Variants in GAL3ST1 observed in about 807,000 individuals in gnomAD.
The protein encoded by GAL3ST1 is galactose-3-O-sulfotransferase 1, also known as galactosylceramide sulfotransferase.
Under a neutral mutation model 25.0 loss-of-function variants are expected in GAL3ST1, and 13 were observed. The observed-to-expected ratio is 0.52, with a 90% CI of 0.34 to 0.83. The LOEUF (loss-of-function observed/expected upper bound fraction) is 0.83, where lower values mean the gene tolerates loss of function less well. Among genes scored for constraint, GAL3ST1 ranks in the 40% least tolerant of loss-of-function variants. GAL3ST1 has a pLI of 0.02. For synonymous variants in GAL3ST1, 274 were observed against 277.8 expected (o/e 0.99, Z 0.14); for missense variants, 474 against 613.6 (o/e 0.77, Z 2.40).
At chr22:30,572,011 C>T (rs958579174) in intron 1 of GAL3ST1, among the ~76,000 whole-genome samples, 3 of 152,208 alleles carry the variant, frequency 2.0e-5, no homozygotes, top group African/African-American at 7.2e-5. Flanking sequence ...AGCAAGGCCA[C>T]AGCTCTTCCT....
chr22:30,561,361 G>A (rs2086399296), intron 1 of GAL3ST1, among the ~76,000 whole-genome samples: 2 of 152,150 alleles, frequency 1.3e-5, no homozygotes, highest in East Asian at 1.9e-4. Flanking sequence ...TAGGAGCCAG[G>A]CCCAAAGCAG....
At chr22:30,558,228 A>C (rs968138451) in intron 2 of GAL3ST1, 51 bp downstream of exon 2, 1 of 151,872 alleles carries the variant, frequency 6.6e-6, no homozygotes, top group Non-Finnish European at 1.5e-5. Context: ...GTGAGAACCT[A>C]TCTCTACAAA....
intron 1 of GAL3ST1, among the ~76,000 whole-genome samples, chr22:30,569,169 C>T (rs1263809782): frequency 6.6e-6 from 1 of 151,730 alleles, no homozygotes; most frequent in Non-Finnish European, 1.5e-5. Context: ...AGGGACAGAC[C>T]CACAGGAGGG....
At chr22:30,556,320 T>C (rs756087680) in intron 3 of GAL3ST1, among the ~76,000 whole-genome samples, 1 of 152,138 alleles carries the variant, frequency 6.6e-6, no homozygotes, top group Admixed American at 6.5e-5. Flanking sequence ...ATTCACGGTG[T>C]TGTGAGATGA....
rs1426858247 is a variant in GAL3ST1, at chr22:30,574,607, GCCGCGCCGCGCCCGCTC to G, written c.-278_-262del. ...CCATGCCCCCGCCCCCGCCGCCGCT[GCCGCGCCGCGCCCGCTC>G]CCGCGCCGCGCCCGCTCCCGGCCAG... On this transcript the variant is annotated 5_prime_UTR_variant, in exon 1 of 4. Transcript: ENST00000406361. The G allele has an allele frequency of 1.7e-3, 231 of 139,906 alleles. No homozygotes were observed. The highest frequency in any genetic ancestry group is 4.2e-3 in the African/African-American group (162 of 38,444). The allele number at this position is 139,906 out of a possible 1,614,324, so 8.7% of individuals were successfully genotyped here. A position where few individuals can be genotyped will look rare whatever the true frequency, so the allele number is the denominator to read the frequency against.
rs577921635 is a variant in GAL3ST1, at chr22:30,555,255, G to T, written c.970C>A (p.Arg324=). The change falls in exon 4 of 4, where the codon CGG becomes AGG. Residue 324 remains arginine, a synonymous_variant. Transcript: ENST00000406361. This position sits in a 1 kb window ranked among gnomAD's most constrained non-coding sequence, Gnocchi z 8.6. ...SFWRKVEAFG[R]ERMAREVAAL... ...GCCACCTCGCGGGCCATGCGCTCCC[G>T]CCCGAAGGCCTCCACCTTGCGCCAG... The T allele has an allele frequency of 1.9e-6, 3 of 1,599,632 alleles. No homozygotes were observed. In the South Asian group the frequency reaches 3.3e-5, roughly 18 times the overall value.
intron 1 of GAL3ST1, among the ~76,000 whole-genome samples, chr22:30,565,861 T>C (rs551144649): frequency 6.6e-6 from 1 of 152,174 alleles, no homozygotes; most frequent in Admixed American, 6.6e-5. Context: ...GCCTCCTCCA[T>C]CCTCCCTTCA....
intron 1 of GAL3ST1, among the ~76,000 whole-genome samples, chr22:30,565,660 A>G (rs150834712): frequency 6.6e-6 from 1 of 152,252 alleles, no homozygotes; most frequent in African/African-American, 2.4e-5. Context: ...CAGACACTCG[A>G]CCAGCTCTGC....
intron 1 of GAL3ST1, among the ~76,000 whole-genome samples, chr22:30,559,559 ATTTAT>A (rs1158676988): frequency 6.6e-6 from 1 of 151,846 alleles, no homozygotes; most frequent in Non-Finnish European, 1.5e-5. Context: ...CATTTTTAAT[ATTTAT>A]TTTATATTAT....
intron 3 of GAL3ST1, 28 bp from the exon 4 acceptor site, chr22:30,556,121 C>G (rs746924697): frequency 4.4e-6 from 7 of 1,573,850 alleles, no homozygotes; most frequent in Non-Finnish European, 5.2e-6. Context: ...GTGGGGAGAG[C>G]CTCAGGGGGG....
intron 1 of GAL3ST1, among the ~76,000 whole-genome samples, chr22:30,566,904 C>T (rs550668828): frequency 6.6e-5 from 10 of 152,256 alleles, no homozygotes; most frequent in Admixed American, 5.2e-4. Context: ...CCACCACGCC[C>T]AGCCGATGAC....
intron 1 of GAL3ST1, among the ~76,000 whole-genome samples, chr22:30,574,199 T>A (rs2086845141): frequency 6.6e-6 from 1 of 151,970 alleles, no homozygotes; most frequent in South Asian, 2.1e-4. Flanking sequence ...CTTCAGGGAC[T>A]GGGAAGCCCT....
intron 1 of GAL3ST1, among the ~76,000 whole-genome samples, chr22:30,568,905 G>A (rs927863223): frequency 3.9e-5 from 6 of 152,042 alleles, no homozygotes; most frequent in Admixed American, 6.6e-5. Context: ...GTGAAACCCC[G>A]TCTGTACTAA....
In GAL3ST1 at chr22:30,554,885, C is replaced by T. The variant is rs2085892792; in HGVS notation, c.*68G>A. ...AGGAGGGGGCTGGGGGCGGCCAGCACCAGCGGCGTCCTGCTCAGCCCCTCT... is the reference window on the plus strand; with the variant it reads ...AGGAGGGGGCTGGGGGCGGCCAGCATCAGCGGCGTCCTGCTCAGCCCCTCT... On this transcript the variant is annotated 3_prime_UTR_variant, in exon 4 of 4. Coordinates refer to ENST00000406361, the MANE Select transcript of GAL3ST1 (RefSeq NM_001318104.2). 7.8e-7 allele frequency: 1 copy of T among 1,287,814 alleles called. No homozygotes were observed. The highest frequency in any genetic ancestry group is 1.1e-6 in the Non-Finnish European group (1 of 951,938). 79.8% of individuals were successfully genotyped at this position (1,287,814 alleles called of 1,614,324 possible).
chr22:30,572,632 G>A (rs1024076465), intron 1 of GAL3ST1: 1 of 152,306 alleles, frequency 6.6e-6, no homozygotes, highest in African/African-American at 2.4e-5. Context: ...AGAACTAGCA[G>A]GAGGGAAGGC....
At chr22:30,567,000 AGGCTGGAGTGTAGT>A (rs1213068477) in intron 1 of GAL3ST1, among the ~76,000 whole-genome samples, 4 of 152,034 alleles carry the variant, frequency 2.6e-5, no homozygotes, top group Non-Finnish European at 4.4e-5. Flanking sequence ...TCTGTTGCCC[AGGCTGGAGTGTAGT>A]GGCAAGATCT....
At chr22:30,568,445 G>A (rs2086687882) in intron 1 of GAL3ST1, among the ~76,000 whole-genome samples, 1 of 152,214 alleles carries the variant, frequency 6.6e-6, no homozygotes, top group African/African-American at 2.4e-5. Flanking sequence ...TTTACTGGAT[G>A]AACGGGGTGG....
At chr22:30,567,477 C>T (rs1444522706) in intron 1 of GAL3ST1, among the ~76,000 whole-genome samples, 2 of 151,930 alleles carry the variant, frequency 1.3e-5, no homozygotes, top group East Asian at 1.9e-4. Context: ...TGGGGTCTTG[C>T]TATGTTGTCC....
chr22:30,555,781 C>A lies in GAL3ST1; in HGVS notation c.444G>T (p.Glu148Asp), dbSNP rs769094588. ...CGTTGGTCGGCACCAGGCCGCGCAC[C>A]TCGTCGTAGTGGAAGCGCATGTGGT... ...ICNHMRFHYD[E>D]VRGLVPTNAI... The change falls in exon 4 of 4, where the codon GAG (glutamate) becomes GAT (aspartate). Residue 148 changes from glutamate to aspartate, a missense_variant. Coordinates refer to ENST00000406361, the MANE Select transcript of GAL3ST1 (RefSeq NM_001318104.2). This position sits in a 1 kb window ranked among gnomAD's most constrained non-coding sequence, Gnocchi z 8.6. The A allele has an allele frequency of 1.2e-6, 2 of 1,614,028 alleles. No individual in the cohort carries two copies. Among genetic ancestry groups the A allele is most frequent in the Non-Finnish European group, 1.7e-6 (2 of 1,180,030 alleles).
Sources: gnomAD v4.1 joint callset for allele counts (sites outside exome capture counted in the v4.1 genomes callset) on GRCh38, gnomAD v4.1.1 for gene constraint, Gnocchi (gnomAD v3.1) non-coding constraint, MANE v1.5 for transcripts, NCBI Gene and HGNC (gene_info 2026-07-23, HGNC 2026-07-21) for gene names.